Variants in PDE4D observed in about 807,000 individuals in gnomAD.
PDE4D encodes the protein phosphodiesterase 4D, also known as 3',5'-cyclic-AMP phosphodiesterase 4D.
A neutral mutation model predicts 87.4 loss-of-function variants in PDE4D; 24 were observed. The observed-to-expected ratio is 0.27, with a 90% CI of 0.20 to 0.39. The LOEUF (loss-of-function observed/expected upper bound fraction) is 0.39, where lower values mean the gene tolerates loss of function less well. Ranked by LOEUF, PDE4D falls within the 10% of genes least tolerant of loss-of-function variation. The pLI is 1.00. For missense variants in PDE4D, 714 were observed against 1,041.0 expected (o/e 0.69, Z 4.32); for synonymous variants, 384 against 383.2 (o/e 1.00, Z -0.02).
At chr5:60,361,640 C>T (rs1342455139) in intron 1 of PDE4D, among the ~76,000 whole-genome samples, 2 of 152,150 alleles carry the variant, frequency 1.3e-5, no homozygotes, top group East Asian at 1.9e-4. Flanking sequence ...GTGTCACATT[C>T]CATTTCTACA....
At chr5:59,858,965 C>A (rs1745862870) in intron 1 of PDE4D, among the ~76,000 whole-genome samples, 1 of 152,180 alleles carries the variant, frequency 6.6e-6, no homozygotes, top group Non-Finnish European at 1.5e-5. Flanking sequence ...GGCTCCAGAA[C>A]AAACACTGCA....
At chr5:60,301,574 G>A (rs543237170) in intron 1 of PDE4D, among the ~76,000 whole-genome samples, 2 of 152,298 alleles carry the variant, frequency 1.3e-5, no homozygotes, top group East Asian at 3.9e-4. Context: ...CCTGACTGCT[G>A]AAGTTGCTTA....
intron 1 of PDE4D, among the ~76,000 whole-genome samples, chr5:60,422,061 C>T (rs919563975): frequency 3.3e-5 from 5 of 152,264 alleles, no homozygotes; most frequent in East Asian, 1.9e-4. Flanking sequence ...ACCAAATCTA[C>T]GTCTGATTGA....
chr5:60,091,213 C>G (rs1490435586), intron 2 of PDE4D, among the ~76,000 whole-genome samples: 1 of 152,160 alleles, frequency 6.6e-6, no homozygotes, highest in African/African-American at 2.4e-5. Flanking sequence ...AGTGAAGAGA[C>G]AACCTGTTAA....
chr5:60,315,728 A>G (rs1353107763), intron 1 of PDE4D, among the ~76,000 whole-genome samples: 1 of 152,166 alleles, frequency 6.6e-6, no homozygotes. Flanking sequence ...TCCCAGTGCC[A>G]TTTATTAAAT....
intron 6 of PDE4D, among the ~76,000 whole-genome samples, chr5:58,994,748 TTAAG>T (rs1184765530): frequency 6.6e-6 from 1 of 152,174 alleles, no homozygotes; most frequent in Non-Finnish European, 1.5e-5. Context: ...ACCATCTAGA[TTAAG>T]TTTTAACTCC....
At chr5:60,105,195 T>G (rs1776737456) in intron 2 of PDE4D, among the ~76,000 whole-genome samples, 2 of 152,076 alleles carry the variant, frequency 1.3e-5, no homozygotes, top group Non-Finnish European at 2.9e-5. Context: ...AAGCCAAGGC[T>G]TGAGAACTAC....
chr5:59,066,944 T>G (rs1764026858), intron 5 of PDE4D, among the ~76,000 whole-genome samples: 1 of 152,074 alleles, frequency 6.6e-6, no homozygotes, highest in South Asian at 2.1e-4. Flanking sequence ...TCTCCAGAAC[T>G]GTGAGAAATA....
At chr5:59,282,359 G>A (rs905969581) in intron 1 of PDE4D, among the ~76,000 whole-genome samples, 1 of 152,042 alleles carries the variant, frequency 6.6e-6, no homozygotes, top group African/African-American at 2.4e-5. Flanking sequence ...TAAGATTGGA[G>A]GCTGCGCGCG....
intron 1 of PDE4D, among the ~76,000 whole-genome samples, chr5:59,282,374 CTCATGCCTAT>C (rs1765982358): frequency 6.6e-6 from 1 of 152,022 alleles, no homozygotes; most frequent in Non-Finnish European, 1.5e-5. Flanking sequence ...CGCGCGGTGG[CTCATGCCTAT>C]AATCCCAGCA....
intron 1 of PDE4D, among the ~76,000 whole-genome samples, chr5:60,507,124 G>A (rs377581624): frequency 6.6e-6 from 1 of 151,924 alleles, no homozygotes; most frequent in Non-Finnish European, 1.5e-5. Flanking sequence ...CTGTCGCCCA[G>A]GCTGGAGTGC....
At chr5:59,561,930 C>CA (rs34711969) in intron 1 of PDE4D, among the ~76,000 whole-genome samples, 17,335 of 138,894 alleles carry the variant, frequency 0.12, 1,221 homozygotes, top group African/African-American at 0.19. Context: ...GAAACGCTGT[C>CA]AAAAAAAAAA....
intron 3 of PDE4D, among the ~76,000 whole-genome samples, chr5:59,980,249 T>G (rs1582020671): frequency 6.6e-6 from 1 of 152,198 alleles, no homozygotes; most frequent in African/African-American, 2.4e-5. Flanking sequence ...CAGGGCAGTG[T>G]TTGTTGCAAA....
chr5:59,275,551 C>T (rs1440448184), intron 1 of PDE4D: 3 of 1,440,586 alleles, frequency 2.1e-6, no homozygotes, highest in Non-Finnish European at 2.7e-6. Context: ...CATCTCCTGT[C>T]CTCGGTCCAG....
chr5:59,549,905 C>G (rs899174690), intron 1 of PDE4D, among the ~76,000 whole-genome samples: 1 of 151,622 alleles, frequency 6.6e-6, no homozygotes, highest in African/African-American at 2.4e-5. Flanking sequence ...TATTAACCAT[C>G]AATACTCATA....
At chr5:59,742,321 C>A (rs1479486936) in intron 1 of PDE4D, among the ~76,000 whole-genome samples, 3 of 152,154 alleles carry the variant, frequency 2.0e-5, no homozygotes. Flanking sequence ...GCCTTGGCCT[C>A]CCAAAGTGCT....
intron 1 of PDE4D, among the ~76,000 whole-genome samples, chr5:59,554,314 A>G (rs1818562308): frequency 6.6e-6 from 1 of 152,116 alleles, no homozygotes; most frequent in African/African-American, 2.4e-5. Context: ...GAATCTTCAC[A>G]ACCACTTTAT....
At chr5:59,526,389 T>A (rs767448849) in intron 1 of PDE4D, among the ~76,000 whole-genome samples, 17 of 152,214 alleles carry the variant, frequency 1.1e-4, no homozygotes, top group Non-Finnish European at 2.1e-4. Flanking sequence ...CCATTCCTGG[T>A]GGTTTGATTA....
intron 5 of PDE4D, among the ~76,000 whole-genome samples, chr5:59,127,528 T>C (rs1310749233): frequency 6.6e-6 from 1 of 151,850 alleles, no homozygotes; most frequent in African/African-American, 2.4e-5. Context: ...CCTGCCTTTT[T>C]AAAATACAGG....
Sources: gnomAD v4.1 joint callset for allele counts (sites outside exome capture counted in the v4.1 genomes callset) on GRCh38, gnomAD v4.1.1 for gene constraint, MANE v1.5 for transcripts, NCBI Gene and HGNC (gene_info 2026-07-23, HGNC 2026-07-21) for gene names.